Variants in COBL observed in about 807,000 individuals in gnomAD.
COBL encodes the protein protein cordon-bleu.
Under a neutral mutation model 98.8 loss-of-function variants are expected in COBL, and 51 were observed. That is an observed-to-expected ratio of 0.52 (90% CI 0.41 to 0.65). The LOEUF is 0.65. Ranked by LOEUF, COBL falls within the 30% of genes least tolerant of loss-of-function variation. The probability of loss-of-function intolerance (pLI) is 0.00; values close to 1 mark genes in which losing one functional copy is unlikely to be tolerated. For missense variants in COBL, 1,617 were observed against 1,617.5 expected (o/e 1.00, Z 0.01); for synonymous variants, 634 against 651.7 (o/e 0.97, Z 0.41).
chr7:51,017,786 C>T (rs552270638), intron 12 of COBL, among the ~76,000 whole-genome samples: 9 of 152,240 alleles, frequency 5.9e-5, no homozygotes, highest in East Asian at 3.9e-4. Flanking sequence ...CAGGGAAGGA[C>T]GACTAGCAGG....
In COBL at chr7:51,238,075, C is replaced by T. The variant is rs537374159; in HGVS notation, c.42-18131G>A. ...AGCCTGATCTGACCAAGATGGCCCA[C>T]GCCAGCCACCATGCTGACAGCCAGC... On this transcript the variant is annotated intron_variant, in intron 1 of 12. Coordinates refer to ENST00000265136, the MANE Select transcript of COBL (RefSeq NM_015198.5). Among the ~76,000 whole-genome samples, 424 of 152,336 alleles carry T rather than the reference C, an allele frequency of 2.8e-3. 5 individuals carry two copies. The highest frequency in any genetic ancestry group is 9.7e-3 in the African/African-American group (405 of 41,580).
At chr7:51,257,704 A>T (rs1223492708) in intron 1 of COBL, among the ~76,000 whole-genome samples, 3 of 152,140 alleles carry the variant, frequency 2.0e-5, no homozygotes, top group Non-Finnish European at 4.4e-5. Context: ...TTTCAGTTAA[A>T]ATTCTGTTTT....
At chr7:51,090,262 G>A (rs1414602956) in intron 6 of COBL, among the ~76,000 whole-genome samples, 1 of 152,160 alleles carries the variant, frequency 6.6e-6, no homozygotes, top group East Asian at 1.9e-4. Flanking sequence ...ACAGCAATTT[G>A]TAATCCAGAA....
intron 5 of COBL, among the ~76,000 whole-genome samples, chr7:51,178,174 C>T (rs952005294): frequency 2.6e-5 from 4 of 151,926 alleles, no homozygotes; most frequent in African/African-American, 9.7e-5. Context: ...CTCTCCCTCT[C>T]TCTCTCTATA....
intron 1 of COBL, among the ~76,000 whole-genome samples, chr7:51,274,698 CA>C (rs1483125011): frequency 1.3e-5 from 2 of 152,224 alleles, no homozygotes; most frequent in African/African-American, 4.8e-5. Flanking sequence ...GGAGGATTTT[CA>C]TTCAATAAAT....
intron 7 of COBL, chr7:51,064,490 C>T (rs1010868983): frequency 3.3e-5 from 5 of 152,086 alleles, no homozygotes; most frequent in African/African-American, 1.2e-4. Flanking sequence ...AAAATGTGGT[C>T]TATACATATA....
chr7:51,272,641 C>T (rs1798868131), intron 1 of COBL, among the ~76,000 whole-genome samples: 1 of 152,112 alleles, frequency 6.6e-6, no homozygotes, highest in Non-Finnish European at 1.5e-5. Flanking sequence ...CTGAAAATAT[C>T]AGTGAAATTG....
intron 5 of COBL, among the ~76,000 whole-genome samples, chr7:51,160,842 G>A (rs1487973173): frequency 1.3e-5 from 2 of 152,004 alleles, no homozygotes; most frequent in African/African-American, 4.8e-5. Context: ...TGTAGGCACT[G>A]GACATGATTC....
At chr7:51,107,082 TAG>T (rs1216414921) in intron 6 of COBL, among the ~76,000 whole-genome samples, 1 of 135,790 alleles carries the variant, frequency 7.4e-6, no homozygotes, top group Admixed American at 7.9e-5. Context: ...TTTGTGATCC[TAG>T]TTTGTTTGTT....
chr7:51,091,844 T>C (rs1197665182), intron 6 of COBL, among the ~76,000 whole-genome samples: 5 of 152,084 alleles, frequency 3.3e-5, no homozygotes, highest in African/African-American at 1.2e-4. Context: ...AGTAAAAACT[T>C]TGCAAGCCAG....
intron 1 of COBL, chr7:51,259,287 A>C (rs1000393274): frequency 8.4e-6 from 1 of 118,786 alleles, no homozygotes; most frequent in Non-Finnish European, 1.6e-5. Context: ...ACTCCAGCTC[A>C]AAAAAAAAAA....
chr7:51,046,411 A>G (rs1308883224), intron 7 of COBL, among the ~76,000 whole-genome samples: 1 of 152,060 alleles, frequency 6.6e-6, no homozygotes, highest in Non-Finnish European at 1.5e-5. Context: ...TGAAGCCCCA[A>G]CCTGTGTTGG....
At chr7:51,095,404 T>C (rs1795184001) in intron 6 of COBL, among the ~76,000 whole-genome samples, 1 of 152,124 alleles carries the variant, frequency 6.6e-6, no homozygotes, top group African/African-American at 2.4e-5. Context: ...CCAAACCATA[T>C]TACTATGTAA....
chr7:51,279,592 G>A (rs1799624811), intron 1 of COBL, among the ~76,000 whole-genome samples: 2 of 152,174 alleles, frequency 1.3e-5, no homozygotes, highest in African/African-American at 2.4e-5. Flanking sequence ...CCACCAGACT[G>A]GAACATCTGT....
chr7:51,059,304 A>C (rs1265164911), intron 7 of COBL, among the ~76,000 whole-genome samples: 1 of 152,182 alleles, frequency 6.6e-6, no homozygotes, highest in African/African-American at 2.4e-5. Flanking sequence ...TATGCTAGGA[A>C]CTTAACTCAT....
chr7:51,028,419 C>G lies in COBL; in HGVS notation c.2677G>C (p.Glu893Gln). 6.2e-7 allele frequency: 1 copy of G among 1,614,254 alleles called. No homozygotes were observed. The highest frequency in any genetic ancestry group is 1.6e-4 in the Middle Eastern group (1 of 6,062). ...ADVVRPHGYA[E>Q]KGYAGKAPVL... ...GGCGCCTTGCCTGCATAACCCTTCT[C>G]GGCATAACCGTGTGGCCTCACCACA... The change falls in exon 10 of 13, where the codon GAG becomes CAG. Residue 893 changes from glutamate to glutamine, a missense_variant. By Grantham distance (29) the Glu-to-Gln change is conservative. Transcript: ENST00000265136.
chr7:51,166,879 A>G (rs1229551061), intron 5 of COBL, among the ~76,000 whole-genome samples: 1 of 152,210 alleles, frequency 6.6e-6, no homozygotes, highest in East Asian at 1.9e-4. Flanking sequence ...ATCGATATTG[A>G]AAAGCATTTG....
chr7:51,182,654 G>C (rs539834019), intron 5 of COBL, among the ~76,000 whole-genome samples: 1 of 149,608 alleles, frequency 6.7e-6, no homozygotes, highest in South Asian at 2.2e-4. Flanking sequence ...GGGAGAGTAG[G>C]GGGGAAGAGA....
At chr7:51,237,043 C>T (rs2129114863) in intron 1 of COBL, among the ~76,000 whole-genome samples, 1 of 143,816 alleles carries the variant, frequency 7.0e-6, no homozygotes, top group Admixed American at 7.0e-5. Flanking sequence ...TATTTCCTTC[C>T]TTGCAGTTTC....
Sources: gnomAD v4.1 joint callset for allele counts (sites outside exome capture counted in the v4.1 genomes callset) on GRCh38, gnomAD v4.1.1 for gene constraint, MANE v1.5 for transcripts, NCBI Gene and HGNC (gene_info 2026-07-23, HGNC 2026-07-21) for gene names.